The following TCFL5 variants were observed in gnomAD, a reference collection of about 807,000 sequenced individuals.
The protein encoded by TCFL5 is transcription factor like 5.
A neutral mutation model predicts 44.3 loss-of-function variants in TCFL5; 9 were observed. That is an observed-to-expected ratio of 0.20 (90% CI 0.12 to 0.35). The LOEUF (loss-of-function observed/expected upper bound fraction) is 0.35, where lower values mean the gene tolerates loss of function less well. Among genes scored for constraint, TCFL5 ranks in the 10% least tolerant of loss-of-function variants. The pLI is 1.00. For missense variants in TCFL5, 603 were observed against 613.4 expected (o/e 0.98, Z 0.18); for synonymous variants, 319 against 271.6 (o/e 1.17, Z -1.72).
At chr20:62,857,191 G>T (rs148661777) in intron 4 of TCFL5, among the ~76,000 whole-genome samples, 1 of 152,142 alleles carries the variant, frequency 6.6e-6, no homozygotes, top group African/African-American at 2.4e-5. Flanking sequence ...GACTGCATGC[G>T]GAGTCCCGGG....
intron 5 of TCFL5, chr20:62,846,212 T>A: frequency 1.2e-6 from 1 of 808,224 alleles, no homozygotes; most frequent in Non-Finnish European, 1.7e-6. Context: ...TCCTCAGACA[T>A]AACTAGGCGC....
rs2273082 is a variant in TCFL5 at position 62,859,563 on chromosome 20, T to C, written c.832-37A>G. ...TGAAGCAACAGGAATTTTATCAATA[T>C]GTGGCTTACTCTCCTCTTTACTGCA... On this transcript the variant is annotated intron_variant, in intron 2 of 5. Transcript: ENST00000335351. 81 of 1,588,926 alleles carry C rather than the reference T, an allele frequency of 5.1e-5. No homozygotes were observed. In the East Asian group the frequency reaches 1.8e-3, roughly 35 times the overall value.
intron 3 of TCFL5, among the ~76,000 whole-genome samples, chr20:62,858,374 C>T (rs1010021897): frequency 4.6e-5 from 7 of 152,254 alleles, no homozygotes; most frequent in Admixed American, 6.5e-5. Flanking sequence ...GAGAGGAATT[C>T]GGTCGTTTTG....
In TCFL5 at chr20:62,845,662, C is replaced by T. The variant is rs559720576; in HGVS notation, c.1381-3565G>A. ...TCACCCCTTCAGCAACCCCCGCTGA[C>T]CATGGCAGTATTTCATGACGAGGTG... On this transcript the variant is annotated intron_variant, in intron 5 of 5. Coordinates refer to ENST00000335351, the MANE Select transcript of TCFL5 (RefSeq NM_006602.4). The T allele has an allele frequency of 5.8e-4, 933 of 1,606,294 alleles. 10 individuals are homozygous for T. The South Asian group carries it at 9.8e-3, about 17-fold the overall frequency.
At chr20:62,846,288 G>C (rs150148208) in intron 5 of TCFL5, among the ~76,000 whole-genome samples, 1 of 152,322 alleles carries the variant, frequency 6.6e-6, no homozygotes, top group African/African-American at 2.4e-5. Context: ...CCTTCACTAT[G>C]AACAGTTGGG....
At chr20:62,850,072 CTT>C (rs2063788562) in intron 5 of TCFL5, among the ~76,000 whole-genome samples, 1 of 152,110 alleles carries the variant, frequency 6.6e-6, no homozygotes, top group Admixed American at 6.6e-5. Flanking sequence ...ATGAAAAAGA[CTT>C]ATTATCTTGG....
rs1368517960 is a variant in TCFL5, at chr20:62,841,259, C to CTGT, written c.*713_*715dup. 4.2e-5 allele frequency: 6 copies of CTGT among 142,936 alleles called. No homozygotes were observed. Among genetic ancestry groups the CTGT allele is most frequent in the African/African-American group, 1.4e-4 (5 of 36,108 alleles). The allele number at this position is 142,936 out of a possible 1,614,324, so 8.9% of individuals were successfully genotyped here. On this transcript the variant is annotated 3_prime_UTR_variant, in exon 6 of 6. Transcript: ENST00000335351. ...TTGCACTAACGTCTATTGCTATTAC[C>CTGT]TGTTGTGATTGATAAGTAAAGCCAC...
In TCFL5 at chr20:62,861,435, G is replaced by C. The variant is rs981662900; in HGVS notation, c.236C>G (p.Ser79Trp). ...CGGGCCCGCCGCCGCCAGCAGCGCC[G>C]AGTTGAGGCGCGTCTCGAGCTCGCC... ...ADGELETRLN[S>W]ALLAAAGPGA... Residue 79 changes from serine to tryptophan, a missense_variant, in exon 1 of 6, where the codon TCG becomes TGG. Around this residue, in one of 4 missense-constraint regions of TCFL5, gnomAD observed 540 missense variants for 478.7 expected, o/e 1.13. Coordinates refer to ENST00000335351, the MANE Select transcript of TCFL5 (RefSeq NM_006602.4). This position sits in a 1 kb window ranked among gnomAD's most constrained non-coding sequence, Gnocchi z 4.0. 6 of 1,161,068 alleles carry C rather than the reference G, an allele frequency of 5.2e-6. No homozygotes were observed. Among genetic ancestry groups the C allele is most frequent in the Non-Finnish European group, 6.4e-6 (6 of 934,820 alleles). 71.9% of individuals were successfully genotyped at this position (1,161,068 alleles called of 1,614,324 possible).
At chr20:62,844,120 T>A (rs577958777) in intron 5 of TCFL5, among the ~76,000 whole-genome samples, 1 of 152,232 alleles carries the variant, frequency 6.6e-6, no homozygotes, top group South Asian at 2.1e-4. Flanking sequence ...GGTGATTCTA[T>A]GTTGAACCTT....
intron 4 of TCFL5, among the ~76,000 whole-genome samples, chr20:62,856,611 CAGG>C (rs1482677002): frequency 1.4e-5 from 2 of 146,720 alleles, no homozygotes; most frequent in East Asian, 4.1e-4. Context: ...GAGGCTGAGG[CAGG>C]AGAACGGCAT....
At chr20:62,847,269 C>T (rs999809776) in intron 5 of TCFL5, among the ~76,000 whole-genome samples, 1 of 151,226 alleles carries the variant, frequency 6.6e-6, no homozygotes, top group African/African-American at 2.4e-5. Context: ...TTCAAAAGCA[C>T]ACCAGGACAA....
At chr20:62,854,804 A>G (rs1486835857) in intron 4 of TCFL5, among the ~76,000 whole-genome samples, 1 of 152,252 alleles carries the variant, frequency 6.6e-6, no homozygotes, top group Admixed American at 6.5e-5. Context: ...CAACTTATTC[A>G]ATATGGCCCT....
At position 62,850,234 on chromosome 20, in the gene TCFL5, T is replaced by C. The variant is rs147483562; in HGVS notation, c.1380+3782A>G. 2.6e-5 allele frequency among the ~76,000 whole-genome samples: 4 copies of C among 152,296 alleles called. No homozygotes were observed. The East Asian group carries it at 7.7e-4, about 29-fold the overall frequency. The stretch of plus-strand genomic sequence containing the variant: ...TACGGTAAATGTTCATTGCTGAGAC[T>C]GAAGCATGGGTGTACAGGTGTTCAC... On this transcript the variant is annotated intron_variant, in intron 5 of 5. Coordinates refer to ENST00000335351, the MANE Select transcript of TCFL5 (RefSeq NM_006602.4).
Position 62,860,179 on chromosome 20 carries a change from C to G in TCFL5, c.777G>C (p.Leu259=). 3.1e-6 allele frequency: 5 copies of G among 1,613,700 alleles called. No individual in the cohort carries two copies. Among genetic ancestry groups the G allele is most frequent in the South Asian group, 1.1e-5 (1 of 91,064 alleles). Residue 259 remains leucine (L), a synonymous_variant, in exon 2 of 6, where the codon CTG becomes CTC. Transcript: ENST00000335351. ...TTTALQFTYP[L]FTTNACSTSG... is the part of the protein sequence containing the mutation. Reference sequence around the variant, plus strand: ...TAGTAGAGCAAGCATTTGTAGTAAACAGTGGGTATGTAAATTGCAAAGCAG... The same window carrying G: ...TAGTAGAGCAAGCATTTGTAGTAAAGAGTGGGTATGTAAATTGCAAAGCAG...
chr20:62,857,700 TAC>T (rs997943530), intron 3 of TCFL5, 62 bp from the exon 4 acceptor site: 14 of 1,570,212 alleles, frequency 8.9e-6, no homozygotes, highest in African/African-American at 6.8e-5. Flanking sequence ...TAATGCTGAA[TAC>T]AGTTTTGGCC....
intron 1 of TCFL5, among the ~76,000 whole-genome samples, chr20:62,860,738 AC>A (rs2063984645): frequency 6.6e-6 from 1 of 152,040 alleles, no homozygotes; most frequent in Non-Finnish European, 1.5e-5. Flanking sequence ...CAAGAGTGCC[AC>A]CCGGAGCACA....
rs888137935 is a variant in TCFL5 at position 62,841,843 on chromosome 20, C to A, written c.*132G>T. ...ACAAAATGTGCTCTCAAAGTCCCTA[C>A]TGGAGTCCCGTCAGCTTGAGTCACG... On this transcript the variant is annotated 3_prime_UTR_variant, in exon 6 of 6. Transcript: ENST00000335351. 2.5e-5 allele frequency: 31 copies of A among 1,240,902 alleles called. No homozygotes were observed. Among genetic ancestry groups the A allele is most frequent in the Non-Finnish European group, 4.4e-6 (4 of 910,646 alleles). The allele number at this position is 1,240,902 out of a possible 1,614,324, so 76.9% of individuals were successfully genotyped here.
rs770100893 is a variant in TCFL5, at chr20:62,857,491, G to T, written c.1142C>A (p.Ser381Tyr). 1.2e-6 allele frequency: 2 copies of T among 1,614,206 alleles called. No individual in the cohort carries two copies. The highest frequency in any genetic ancestry group is 4.5e-5 in the East Asian group (2 of 44,884). Residue 381 changes from serine (S) to tyrosine (Y), a missense_variant, in exon 4 of 6, where the codon TCC becomes TAC. Physicochemically the swap from Ser to Tyr is moderately radical, Grantham distance 144. Coordinates refer to ENST00000335351, the MANE Select transcript of TCFL5 (RefSeq NM_006602.4). ...ATQGAWQSSE[S>Y]SQANLGEQAQ... ...CTGCTCCCCCAGGTTTGCCTGTGAG[G>T]ACTCCGAGGACTGCCAAGCGCCTTG...
chr20:62,855,938 T>A (rs576041802), intron 4 of TCFL5, among the ~76,000 whole-genome samples: 45 of 151,830 alleles, frequency 3.0e-4, no homozygotes, highest in Non-Finnish European at 5.7e-4. Flanking sequence ...AATTATAGAT[T>A]AGGGAAATAT....
Sources: allele counts gnomAD v4.1 joint callset (sites outside exome capture counted in the v4.1 genomes callset), GRCh38; gene constraint gnomAD v4.1.1; regional missense constraint gnomAD v4.1.1; non-coding constraint Gnocchi (gnomAD v3.1); transcripts MANE v1.5; gene names NCBI Gene and HGNC (gene_info 2026-07-23, HGNC 2026-07-21).